Variants in ADGRE1 observed in about 807,000 individuals in gnomAD.
ADGRE1 encodes the protein EGF-like module receptor 1.
A neutral mutation model predicts 102.7 loss-of-function variants in ADGRE1; 82 were observed. The observed-to-expected ratio is 0.80, with a 90% confidence interval of 0.67 to 0.96. ADGRE1 has a LOEUF of 0.96. Ranked by LOEUF, ADGRE1 falls within the 40% of genes least tolerant of loss-of-function variation. The pLI is 0.00. For missense variants in ADGRE1, 1,032 were observed against 1,085.3 expected, an observed-to-expected ratio of 0.95 and a Z score of 0.69; for synonymous variants, 398 against 399.6, an observed-to-expected ratio of 1.00 and a Z score of 0.05.
At chr19:6,937,877 A>T (rs1416996859) in intron 20 of ADGRE1, among the ~76,000 whole-genome samples, 2 of 150,938 alleles carry the variant, frequency 1.3e-5, no homozygotes, top group Non-Finnish European at 2.9e-5. Context: ...AATAAGACAT[A>T]TATAATTTAT....
Position 6,913,713 on chromosome 19 carries a change from A to T in ADGRE1, c.1183A>T (p.Lys395Ter). 6.2e-7 allele frequency: 1 copy of T among 1,613,246 alleles called. No individual in the cohort carries two copies. The highest frequency in any genetic ancestry group is 1.1e-5 in the South Asian group (1 of 90,788). ...AATATCCACGTGGACTAAATTCACC[A>T]AGGAAGAGACGTCCTCCCTGGCCAC... ...KQISTWTKFTKEETSSLATVF... is the reference protein window; with the variant it reads ...KQISTWTKFT Residue 395 changes from lysine (K) to a stop codon, truncating the protein, a stop_gained, in exon 11 of 21, where the codon AAG becomes TAG. Coordinates refer to ENST00000312053, the MANE Select transcript of ADGRE1 (RefSeq NM_001974.5). LOFTEE classifies it high-confidence loss of function.
At chr19:6,921,992 G>A (rs1315766080) in intron 14 of ADGRE1, 109 bp downstream of exon 14, 1 of 1,336,484 alleles carries the variant, frequency 7.5e-7, no homozygotes, top group Non-Finnish European at 1.0e-6. Context: ...GGGTGTTGTG[G>A]GATGGAGTCA....
chr19:6,898,763 A>G (rs994179658), intron 5 of ADGRE1: 16 of 567,908 alleles, frequency 2.8e-5, no homozygotes, highest in Admixed American at 7.2e-5. Flanking sequence ...TGAGAAAGGG[A>G]TTTTCTCATG....
At chr19:6,890,656 C>A in intron 2 of ADGRE1, 113 bp downstream of exon 2, 1 of 1,123,620 alleles carries the variant, frequency 8.9e-7, no homozygotes, top group Non-Finnish European at 1.3e-6. Flanking sequence ...AGCTAGTTAG[C>A]GGCAGAGCAA....
At chr19:6,898,750 A>G (rs369003639) in intron 5 of ADGRE1, 17 of 626,328 alleles carry the variant, frequency 2.7e-5, no homozygotes, top group Admixed American at 2.4e-4. Flanking sequence ...CTGGAAGACC[A>G]TATGAGAAAG....
intron 11 of ADGRE1, among the ~76,000 whole-genome samples, chr19:6,915,961 C>G (rs1974362803): frequency 7.1e-6 from 1 of 141,330 alleles, no homozygotes; most frequent in African/African-American, 2.6e-5. Context: ...GAGAGAAAAT[C>G]ATGACTGTTG....
chr19:6,930,111 T>G (rs1305829716), intron 17 of ADGRE1, among the ~76,000 whole-genome samples: 1 of 152,214 alleles, frequency 6.6e-6, no homozygotes, highest in Non-Finnish European at 1.5e-5. Flanking sequence ...CTGCTTTTCA[T>G]TAAAAGGAAA....
intron 10 of ADGRE1, among the ~76,000 whole-genome samples, chr19:6,911,897 CCA>C (rs1338722840): frequency 2.0e-5 from 3 of 151,168 alleles, no homozygotes; most frequent in Non-Finnish European, 4.4e-5. Flanking sequence ...CACATACACC[CCA>C]CACACATTTA....
At chr19:6,902,915 G>A (rs980534221) in intron 6 of ADGRE1, among the ~76,000 whole-genome samples, 2 of 152,088 alleles carry the variant, frequency 1.3e-5, no homozygotes, top group Non-Finnish European at 2.9e-5. Flanking sequence ...TTTTTATTCG[G>A]GACAGGTAAG....
At chr19:6,901,656 T>C (rs1023315324) in intron 5 of ADGRE1, among the ~76,000 whole-genome samples, 2 of 152,212 alleles carry the variant, frequency 1.3e-5, no homozygotes, top group African/African-American at 4.8e-5. Flanking sequence ...TCTGCTTACA[T>C]GCTATTGGCT....
Position 6,926,375 on chromosome 19 carries a change from G to A in ADGRE1, c.1996G>A (p.Ala666Thr), listed in dbSNP as rs770808541. 27 of 1,613,864 alleles carry A rather than the reference G, an allele frequency of 1.7e-5. No homozygotes were observed. Among genetic ancestry groups the A allele is most frequent in the Middle Eastern group, 1.7e-4 (1 of 5,900 alleles). ...IHKTDNKMGC[A>T]IIAGFLHYLF... is the part of the protein sequence containing the mutation. ...TGCTTCTCCCCTCCAGATGGGCTGC[G>A]CCATCATCGCGGGCTTCCTGCACTA... Residue 666 changes from alanine to threonine, a missense_variant, in exon 16 of 21, where the codon GCC becomes ACC. Coordinates refer to ENST00000312053, the MANE Select transcript of ADGRE1 (RefSeq NM_001974.5).
At chr19:6,894,565 A>G (rs192768865) in intron 2 of ADGRE1, among the ~76,000 whole-genome samples, 91 of 152,266 alleles carry the variant, frequency 6.0e-4, no homozygotes, top group Middle Eastern at 3.4e-3. Context: ...ATGGAGTGCA[A>G]AGAGAAACTG....
intron 1 of ADGRE1, among the ~76,000 whole-genome samples, chr19:6,890,164 C>T (rs1172953366): frequency 2.0e-5 from 3 of 152,162 alleles, no homozygotes; most frequent in Non-Finnish European, 2.9e-5. Context: ...GATCCTCCCA[C>T]CTTGGCCTCC....
chr19:6,928,065 T>C, intron 16 of ADGRE1, 80 bp from the exon 17 acceptor site: 8 of 1,515,248 alleles, frequency 5.3e-6, no homozygotes, highest in African/African-American at 2.8e-5. Context: ...TCTCCTCCAC[T>C]AGGGCATTTG....
intron 16 of ADGRE1, among the ~76,000 whole-genome samples, chr19:6,927,234 C>T (rs1201595671): frequency 5.0e-5 from 7 of 140,796 alleles, no homozygotes. Context: ...CTCTTCCCTC[C>T]CTCCTTCCTT....
chr19:6,925,110 T>A (rs1219321341), intron 15 of ADGRE1, among the ~76,000 whole-genome samples: 1 of 152,082 alleles, frequency 6.6e-6, no homozygotes, highest in Non-Finnish European at 1.5e-5. Context: ...TCCTATTACT[T>A]GTTTTTGTTT....
At chr19:6,925,862 A>G (rs1250048564) in intron 15 of ADGRE1, among the ~76,000 whole-genome samples, 1 of 151,612 alleles carries the variant, frequency 6.6e-6, no homozygotes, top group Non-Finnish European at 1.5e-5. Context: ...TGTCTGGCTA[A>G]TTTTTGTATT....
At position 6,916,282 on chromosome 19, in the gene ADGRE1, G is replaced by A. The variant is rs1440264128; in HGVS notation, c.1334G>A (p.Ser445Asn). 1.9e-6 allele frequency: 3 copies of A among 1,613,476 alleles called. No individual in the cohort carries two copies. The highest frequency in any genetic ancestry group is 1.7e-5 in the Admixed American group (1 of 59,964). ...IESKVINKEC[S>N]EENVTLDLVA... ...AGCAAAGTTATCAACAAAGAATGCA[G>A]TGAAGAGAATGTGACGTTGGACTTG... The change falls in exon 12 of 21, where the codon AGT (serine) becomes AAT (asparagine). Residue 445 changes from serine (S) to asparagine (N), a missense_variant. Physicochemically the swap from Ser to Asn is conservative, Grantham distance 46. Coordinates refer to ENST00000312053, the MANE Select transcript of ADGRE1 (RefSeq NM_001974.5).
intron 2 of ADGRE1, 86 bp from the exon 3 acceptor site, chr19:6,896,312 C>A: frequency 1.5e-6 from 2 of 1,363,770 alleles, no homozygotes; most frequent in Non-Finnish European, 2.0e-6. Flanking sequence ...CCATAACAGT[C>A]ACCTCCACCC....
Sources: allele counts gnomAD v4.1 joint callset (sites outside exome capture counted in the v4.1 genomes callset), GRCh38; gene constraint gnomAD v4.1.1; transcripts MANE v1.5; gene names NCBI Gene and HGNC (gene_info 2026-07-23, HGNC 2026-07-21).